The following SGK1 variants were observed in gnomAD, a reference collection of about 807,000 sequenced individuals.
The protein encoded by SGK1 is serine/threonine-protein kinase Sgk1.
A neutral mutation model predicts 64.2 loss-of-function variants in SGK1; 26 were observed. The observed-to-expected ratio is 0.40, with a 90% CI of 0.30 to 0.56. The LOEUF (loss-of-function observed/expected upper bound fraction) is 0.56. Among genes scored for constraint, SGK1 ranks in the 20% least tolerant of loss-of-function variants. SGK1 has a pLI of 0.38. For synonymous variants in SGK1, 265 were observed against 239.7 expected, an observed-to-expected ratio of 1.11 and a Z score of -0.98; for missense variants, 519 against 645.6, an observed-to-expected ratio of 0.80 and a Z score of 2.12.
At chr6:134,183,492 G>T (rs1252352317) in intron 3 of SGK1, among the ~76,000 whole-genome samples, 3 of 152,206 alleles carry the variant, frequency 2.0e-5, no homozygotes, top group Admixed American at 1.3e-4. Flanking sequence ...AGGATGTCAT[G>T]ATGGGCAGCG....
intron 1 of SGK1, among the ~76,000 whole-genome samples, chr6:134,265,815 C>T (rs1401839801): frequency 1.3e-5 from 2 of 150,530 alleles, no homozygotes; most frequent in African/African-American, 4.9e-5. Flanking sequence ...ATATACATTT[C>T]TTTAAAAAAT....
rs547742505 is a variant in SGK1, at chr6:134,233,940, A to C, written c.286-26509T>G. On this transcript the variant is annotated intron_variant, in intron 2 of 13. Coordinates refer to ENST00000367858, the MANE Select transcript of SGK1 (RefSeq NM_001143676.3). ...AAAACCTATTTTAGTTGTAGTTATA[A>C]ATTTCTAGAAATTCATCTTTGAATT... Among the ~76,000 whole-genome samples, 244 of 152,336 alleles carry C rather than the reference A, an allele frequency of 1.6e-3. 10 individuals are homozygous for C. The South Asian group carries it at 0.049, about 30-fold the overall frequency.
At position 134,172,292 on chromosome 6, in the gene SGK1, C is replaced by T. The variant is rs748017172; in HGVS notation, c.972G>A (p.Leu324=). The part of the protein sequence containing the change: ...VYRDLKPENI[L]LDSQGHIVLT... Reference sequence around the variant, plus strand: ...GGACAATGTGTCCCTGTGAATCTAGCAAAATATTCTCTGGTTTTAAGTCTC... The same window carrying T: ...GGACAATGTGTCCCTGTGAATCTAGTAAAATATTCTCTGGTTTTAAGTCTC... The change falls in exon 10 of 14, where the codon TTG becomes TTA. Residue 324 remains leucine, a synonymous_variant. Transcript: ENST00000367858. 1 of 1,612,536 alleles carries T rather than the reference C, an allele frequency of 6.2e-7. No individual in the cohort carries two copies. The highest frequency in any genetic ancestry group is 8.5e-7 in the Non-Finnish European group (1 of 1,179,462).
intron 1 of SGK1, among the ~76,000 whole-genome samples, chr6:134,281,802 G>T (rs1205700365): frequency 6.6e-6 from 1 of 152,086 alleles, no homozygotes; most frequent in African/African-American, 2.4e-5. Flanking sequence ...CACCAAGCCT[G>T]GTCCAATTCT....
At chr6:134,172,006 A>G (rs1054822592) in intron 10 of SGK1, 187 bp downstream of exon 10, 5 of 750,786 alleles carry the variant, frequency 6.7e-6, no homozygotes, top group Non-Finnish European at 1.1e-5. Flanking sequence ...GCTACTTTTC[A>G]GTAAAGGAAC....
intron 1 of SGK1, among the ~76,000 whole-genome samples, chr6:134,277,975 T>A (rs1410563340): frequency 6.6e-6 from 1 of 152,206 alleles, no homozygotes; most frequent in Non-Finnish European, 1.5e-5. Flanking sequence ...GGATTCCAGT[T>A]CTAGCTTCGT....
rs747819303 is a variant in SGK1, at chr6:134,299,298, G to A, written c.69+18094C>T. Among the ~76,000 whole-genome samples, 37 of 152,022 alleles carry A rather than the reference G, an allele frequency of 2.4e-4. 1 individual carries two copies. The highest frequency in any genetic ancestry group is 3.7e-4 in the Non-Finnish European group (25 of 68,012). On this transcript the variant is annotated intron_variant, in intron 1 of 13. Transcript: ENST00000367858. ...AAGGATCGCTTGAGCCAGTGAGGTC[G>A]AGGATGCAGTGAGCTGTGATTGTGC...
chr6:134,314,339 C>T (rs143627039), intron 1 of SGK1, among the ~76,000 whole-genome samples: 163 of 145,916 alleles, frequency 1.1e-3, no homozygotes, highest in Middle Eastern at 0.01. Flanking sequence ...AAAGATTTCA[C>T]TTGGTTGGGG....
At chr6:134,315,885 AAAAG>A (rs1013819271) in intron 1 of SGK1, among the ~76,000 whole-genome samples, 1 of 152,208 alleles carries the variant, frequency 6.6e-6, no homozygotes, top group Admixed American at 6.5e-5. Context: ...AAAAAAAAGA[AAAAG>A]AAAGAAAGAA....
At chr6:134,289,237 A>G (rs926368290) in intron 1 of SGK1, among the ~76,000 whole-genome samples, 39 of 152,224 alleles carry the variant, frequency 2.6e-4, no homozygotes, top group Admixed American at 2.6e-3. Flanking sequence ...TCGGCTGCAC[A>G]TTTCAGGTGG....
At chr6:134,282,509 T>G (rs1446684856) in intron 1 of SGK1, among the ~76,000 whole-genome samples, 1 of 151,724 alleles carries the variant, frequency 6.6e-6, no homozygotes, top group Non-Finnish European at 1.5e-5. Context: ...AAAAATTAGC[T>G]GGGCATGGTG....
intron 2 of SGK1, among the ~76,000 whole-genome samples, chr6:134,241,706 C>T (rs1277201148): frequency 5.3e-5 from 8 of 152,212 alleles, no homozygotes; most frequent in African/African-American, 1.2e-4. Context: ...CTGCAAGCTC[C>T]GCCTCCCGGG....
chr6:134,304,434 T>C (rs1777503882), intron 1 of SGK1, among the ~76,000 whole-genome samples: 2 of 152,070 alleles, frequency 1.3e-5, no homozygotes, highest in African/African-American at 4.8e-5. Flanking sequence ...GGAGGATCAC[T>C]CGAGGTCAGG....
At chr6:134,205,776 C>T (rs1175207453) in intron 3 of SGK1, among the ~76,000 whole-genome samples, 1 of 152,206 alleles carries the variant, frequency 6.6e-6, no homozygotes, top group Non-Finnish European at 1.5e-5. Flanking sequence ...TCTGTGAATA[C>T]TCCTTGTAAA....
chr6:134,261,296 C>T (rs1776763427), intron 2 of SGK1: 1 of 153,646 alleles, frequency 6.5e-6, no homozygotes, highest in Non-Finnish European at 1.4e-5. Flanking sequence ...ATCGTTGTAT[C>T]ATCTAAGACT....
chr6:134,186,478 T>C (rs950438011), intron 3 of SGK1, among the ~76,000 whole-genome samples: 2 of 152,248 alleles, frequency 1.3e-5, no homozygotes, highest in African/African-American at 2.4e-5. Context: ...TATATGTACA[T>C]AGACGCACAA....
At chr6:134,278,703 A>AT (rs1777051693) in intron 1 of SGK1, among the ~76,000 whole-genome samples, 1 of 152,188 alleles carries the variant, frequency 6.6e-6, no homozygotes, top group African/African-American at 2.4e-5. Context: ...TAACAAAAAG[A>AT]TATCTATGAA....
intron 2 of SGK1, among the ~76,000 whole-genome samples, chr6:134,219,478 T>C (rs931853033): frequency 5.9e-5 from 9 of 152,224 alleles, no homozygotes; most frequent in African/African-American, 1.9e-4. Flanking sequence ...AACATATAAT[T>C]GGCCAGCCGC....
At chr6:134,181,236 A>G (rs1323388420) in intron 3 of SGK1, among the ~76,000 whole-genome samples, 2 of 152,234 alleles carry the variant, frequency 1.3e-5, no homozygotes, top group Non-Finnish European at 2.9e-5. Context: ...GTAAATAAGG[A>G]GTCTGGATTT....
Sources: allele counts gnomAD v4.1 joint callset (sites outside exome capture counted in the v4.1 genomes callset), GRCh38; gene constraint gnomAD v4.1.1; transcripts MANE v1.5; gene names NCBI Gene and HGNC (gene_info 2026-07-23, HGNC 2026-07-21).